AP3B1: variants seen among roughly 807,000 people sequenced by gnomAD.
AP3B1 encodes the protein adaptor related protein complex 3 subunit beta 1, also known as AP-3 complex subunit beta-1.
AP3B1 carries 61 observed loss-of-function variants against 132.5 expected under a neutral mutation model. The ratio of observed to expected loss-of-function variants is 0.46; its 90% CI spans 0.37 to 0.57. AP3B1 has a LOEUF of 0.57. Ranked by LOEUF, AP3B1 falls within the 20% of genes least tolerant of loss-of-function variation. AP3B1 has a pLI of 0.00. For synonymous variants in AP3B1, 388 were observed against 438.3 expected (o/e 0.89, Z 1.43); for missense variants, 1,120 against 1,289.4 (o/e 0.87, Z 2.01).
Position 78,002,995 on chromosome 5 carries a change from T to C in AP3B1, c.3192A>G (p.Glu1064=). Residue 1064 remains glutamate (E), a synonymous_variant, in exon 27 of 27, where the codon GAA becomes GAG. Transcript: ENST00000255194. ...SLMLVTVELK[E]GSTAQLIINT... ...TTATGATAAGCTGGGCTGTAGAGCC[T>C]TCCTTCAGTTCCACTGTGACTAGCA... is the stretch of plus-strand genomic sequence containing the variant. The C allele has an allele frequency of 6.2e-7, 1 of 1,614,210 alleles. No homozygotes were observed. The highest frequency in any genetic ancestry group is 8.5e-7 in the Non-Finnish European group (1 of 1,180,032).
chr5:78,284,257 T>C (rs10074129), intron 1 of AP3B1, among the ~76,000 whole-genome samples: 32,871 of 151,986 alleles, frequency 0.22, 4,344 homozygotes, highest in Middle Eastern at 0.31. Context: ...GCTCTAAACC[T>C]AGGTATATGC....
At position 78,267,564 on chromosome 5, in the gene AP3B1, T is replaced by C; in HGVS notation, c.160A>G (p.Asn54Asp). The change falls in exon 2 of 27, where the codon AAC becomes GAC. Residue 54 changes from asparagine to aspartate, a missense_variant. Physicochemically the swap from Asn to Asp is conservative, Grantham distance 23 (BLOSUM62 1). Coordinates refer to ENST00000255194, the MANE Select transcript of AP3B1 (RefSeq NM_003664.5). The stretch of plus-strand genomic sequence containing the variant: ...GCATCCAGTTTAGCAGAATCTTTGT[T>C]GCTCTCTAACATTTGCTTTAGATCT... ...NEDLKQMLES[N>D]KDSAKLDAMK... is the part of the protein sequence containing the mutation. 2 of 1,611,394 alleles carry C rather than the reference T, an allele frequency of 1.2e-6. No individual in the cohort carries two copies. Among genetic ancestry groups the C allele is most frequent in the Non-Finnish European group, 1.7e-6 (2 of 1,178,350 alleles).
chr5:78,269,733 TTTGTTACCAACCCATG>T (rs1404929201), intron 1 of AP3B1, among the ~76,000 whole-genome samples: 2 of 152,192 alleles, frequency 1.3e-5, no homozygotes, highest in African/African-American at 4.8e-5. Context: ...TTCACAAATT[TTTGTTACCAACCCATG>T]AGGAGATAGG....
intron 15 of AP3B1, among the ~76,000 whole-genome samples, chr5:78,137,185 T>A (rs1752955755): frequency 6.6e-6 from 1 of 152,184 alleles, no homozygotes; most frequent in Non-Finnish European, 1.5e-5. Flanking sequence ...ATAGTTAAAC[T>A]CTTTGAATGA....
chr5:78,175,968 G>A, intron 9 of AP3B1, 130 bp from the exon 10 acceptor site: 1 of 770,008 alleles, frequency 1.3e-6, no homozygotes, highest in Non-Finnish European at 2.2e-6. Flanking sequence ...ATAATGAAAA[G>A]TTTTTAGTAA....
intron 15 of AP3B1, among the ~76,000 whole-genome samples, chr5:78,140,485 C>A (rs187338170): frequency 6.6e-6 from 1 of 152,232 alleles, no homozygotes; most frequent in Admixed American, 6.5e-5. Context: ...CTAGTGAGCA[C>A]CCATTTTCTA....
intron 7 of AP3B1, among the ~76,000 whole-genome samples, chr5:78,185,796 A>G (rs1166272982): frequency 3.3e-5 from 5 of 152,092 alleles, no homozygotes; most frequent in East Asian, 1.9e-4. Flanking sequence ...CTGGAGCCCA[A>G]TACTTTGAGG....
chr5:78,054,351 G>A (rs970042917), intron 22 of AP3B1, among the ~76,000 whole-genome samples: 3 of 152,150 alleles, frequency 2.0e-5, no homozygotes, highest in Admixed American at 6.5e-5. Flanking sequence ...ATGGATAAGT[G>A]ATTAAGAGAT....
At chr5:78,033,647 C>T (rs1747673785) in intron 24 of AP3B1, among the ~76,000 whole-genome samples, 1 of 151,802 alleles carries the variant, frequency 6.6e-6, no homozygotes, top group Non-Finnish European at 1.5e-5. Context: ...GGCCTTATAT[C>T]AGAAAAAGAA....
chr5:78,074,708 G>T (rs1369878983), intron 22 of AP3B1, among the ~76,000 whole-genome samples: 1 of 152,128 alleles, frequency 6.6e-6, no homozygotes, highest in African/African-American at 2.4e-5. Context: ...CACCACTTTG[G>T]GAGGCTGAGA....
intron 22 of AP3B1, among the ~76,000 whole-genome samples, chr5:78,049,463 C>T (rs1442485715): frequency 6.6e-6 from 1 of 152,136 alleles, no homozygotes. Flanking sequence ...GCCAAAGTAT[C>T]CTAGTCCTCA....
chr5:78,226,633 T>C (rs1746409801), intron 5 of AP3B1, among the ~76,000 whole-genome samples: 1 of 152,108 alleles, frequency 6.6e-6, no homozygotes, highest in South Asian at 2.1e-4. Flanking sequence ...TATTCATAAT[T>C]AAGTGCCACA....
At chr5:78,174,897 C>T (rs1473577238) in intron 11 of AP3B1, among the ~76,000 whole-genome samples, 2 of 152,252 alleles carry the variant, frequency 1.3e-5, no homozygotes, top group Admixed American at 1.3e-4. Flanking sequence ...TTCCCAGCCG[C>T]TTTGTTTACC....
chr5:78,143,793 C>T (rs1230002325), intron 14 of AP3B1, among the ~76,000 whole-genome samples: 1 of 152,042 alleles, frequency 6.6e-6, no homozygotes, highest in Non-Finnish European at 1.5e-5. Context: ...GCGGGTGGAT[C>T]ACTTGAGGAC....
chr5:78,245,183 T>C (rs1747325721), intron 2 of AP3B1, among the ~76,000 whole-genome samples: 1 of 152,138 alleles, frequency 6.6e-6, no homozygotes, highest in Non-Finnish European at 1.5e-5. Flanking sequence ...ACACTATTTA[T>C]TGAGTACAAT....
rs528216987 is a variant in AP3B1 at position 78,208,169 on chromosome 5, G to C, written c.786+7886C>G. Among the ~76,000 whole-genome samples, 23 of 152,220 alleles carry C rather than the reference G, an allele frequency of 1.5e-4. No homozygotes were observed. The South Asian group carries it at 4.6e-3, about 30-fold the overall frequency. ...AGAAGAGACATGAAATTAAGTTCTA[G>C]AAAAACAGATTGGAACTGTGCAGGC... is the stretch of plus-strand genomic sequence containing the variant. On this transcript the variant is annotated intron_variant, in intron 7 of 26. Coordinates refer to ENST00000255194, the MANE Select transcript of AP3B1 (RefSeq NM_003664.5).
chr5:78,264,640 CA>C (rs1204591785), intron 2 of AP3B1, among the ~76,000 whole-genome samples: 2 of 152,102 alleles, frequency 1.3e-5, no homozygotes, highest in African/African-American at 2.4e-5. Context: ...TTAAAAGATG[CA>C]AGCAACAGCC....
intron 6 of AP3B1, among the ~76,000 whole-genome samples, chr5:78,216,796 A>G (rs1745982123): frequency 1.3e-5 from 2 of 152,156 alleles, no homozygotes; most frequent in South Asian, 4.1e-4. Context: ...CAAAGAAAAC[A>G]CACTGGCTGA....
chr5:78,061,101 G>A (rs1749034442), intron 22 of AP3B1, among the ~76,000 whole-genome samples: 1 of 151,622 alleles, frequency 6.6e-6, no homozygotes, highest in Non-Finnish European at 1.5e-5. Context: ...CACACCGCTG[G>A]GTCTCAGAAT....
Sources: gnomAD v4.1 joint callset for allele counts (sites outside exome capture counted in the v4.1 genomes callset) on GRCh38, gnomAD v4.1.1 for gene constraint, MANE v1.5 for transcripts, NCBI Gene and HGNC (gene_info 2026-07-23, HGNC 2026-07-21) for gene names.